NRG1: variants seen among roughly 807,000 people sequenced by gnomAD.
The protein encoded by NRG1 is neuregulin 1.
NRG1 carries 18 observed loss-of-function variants against 63.8 expected under a neutral mutation model. The ratio of observed to expected loss-of-function variants is 0.28; its 90% CI spans 0.19 to 0.42. The LOEUF (loss-of-function observed/expected upper bound fraction) is 0.42, where lower values mean the gene tolerates loss of function less well. NRG1 is among the 10% of genes least tolerant of loss of function. NRG1 has a pLI of 1.00. For synonymous variants in NRG1, 302 were observed against 301.3 expected, an observed-to-expected ratio of 1.00 and a Z score of -0.02; for missense variants, 762 against 814.7, an observed-to-expected ratio of 0.94 and a Z score of 0.79.
intron 1 of NRG1, among the ~76,000 whole-genome samples, chr8:32,238,291 C>T (rs1847772133): frequency 6.6e-6 from 1 of 151,954 alleles, no homozygotes; most frequent in Admixed American, 6.6e-5. Flanking sequence ...ATGGTGAAAC[C>T]CTGTCTCTAC....
chr8:31,796,437 T>C (rs1172584013), intron 1 of NRG1, among the ~76,000 whole-genome samples: 2 of 120,744 alleles, frequency 1.7e-5, no homozygotes, highest in Non-Finnish European at 3.4e-5. Context: ...TTTTTTTTTT[T>C]TTTTTTTTTT....
intron 1 of NRG1, among the ~76,000 whole-genome samples, chr8:32,574,017 G>A (rs1839150636): frequency 6.6e-6 from 1 of 152,164 alleles, no homozygotes; most frequent in Non-Finnish European, 1.5e-5. Flanking sequence ...ATTCCATGGT[G>A]TGTATGTGCC....
chr8:32,009,126 A>G (rs2129876920), intron 1 of NRG1, among the ~76,000 whole-genome samples: 1 of 152,202 alleles, frequency 6.6e-6, no homozygotes, highest in South Asian at 2.1e-4. Context: ...TGATAAATGC[A>G]ATCTACCTGT....
At position 32,759,453 on chromosome 8, in the gene NRG1, A is replaced by C; in HGVS notation, c.1052+17A>C. The C allele has an allele frequency of 1.2e-6, 2 of 1,608,860 alleles. No homozygotes were observed. The highest frequency in any genetic ancestry group is 1.7e-6 in the Non-Finnish European group (2 of 1,177,614). On this transcript the variant is annotated intron_variant, in intron 10 of 11. Transcript: ENST00000356819. The stretch of plus-strand genomic sequence containing the variant: ...TAGCCACAGGTATGAGAATTTAAAA[A>C]TTCCACGGCTTTTCTCTCAGAATGA...
At chr8:32,228,240 G>A (rs1846538415) in intron 1 of NRG1, among the ~76,000 whole-genome samples, 1 of 152,146 alleles carries the variant, frequency 6.6e-6, no homozygotes, top group African/African-American at 2.4e-5. Context: ...ACTTATCAGT[G>A]TAAATGGATA....
intron 1 of NRG1, among the ~76,000 whole-genome samples, chr8:31,965,299 G>A (rs892578027): frequency 2.6e-5 from 4 of 151,448 alleles, no homozygotes; most frequent in African/African-American, 7.3e-5. Flanking sequence ...CTCAGCTCAC[G>A]GCAATGTCTG....
intron 8 of NRG1, 122 bp from the exon 9 acceptor site, chr8:32,756,281 C>G (rs1487234298): frequency 1.8e-6 from 2 of 1,091,056 alleles, no homozygotes; most frequent in Non-Finnish European, 2.6e-6. Context: ...ACTCCCTTCC[C>G]TCTTCCTCAT....
intron 1 of NRG1, among the ~76,000 whole-genome samples, chr8:32,581,772 C>T (rs1320722038): frequency 2.6e-5 from 4 of 152,120 alleles, no homozygotes; most frequent in Non-Finnish European, 5.9e-5. Context: ...AAATATAGGA[C>T]AGAGAGTTCT....
chr8:32,455,058 G>A (rs1821436176), intron 1 of NRG1, among the ~76,000 whole-genome samples: 1 of 152,110 alleles, frequency 6.6e-6, no homozygotes. Context: ...TGTGTAGTAA[G>A]CTGTACCATC....
chr8:32,656,299 G>A (rs1035468517), intron 5 of NRG1, among the ~76,000 whole-genome samples: 1 of 152,016 alleles, frequency 6.6e-6, no homozygotes, highest in Admixed American at 6.6e-5. Context: ...CTAGCCCTAT[G>A]CCTAACTGCT....
At chr8:32,293,001 G>A (rs538675910) in intron 1 of NRG1, among the ~76,000 whole-genome samples, 44 of 152,292 alleles carry the variant, frequency 2.9e-4, no homozygotes, top group Non-Finnish European at 5.4e-4. Flanking sequence ...CTACTCAGGA[G>A]GCTGAGGCAG....
chr8:32,514,352 A>C (rs1394940292), intron 1 of NRG1, among the ~76,000 whole-genome samples: 2 of 152,040 alleles, frequency 1.3e-5, no homozygotes, highest in Non-Finnish European at 2.9e-5. Flanking sequence ...GTGCTTTACC[A>C]TTTTCAAAGC....
chr8:32,383,838 G>T (rs1810659453), intron 1 of NRG1, among the ~76,000 whole-genome samples: 1 of 152,240 alleles, frequency 6.6e-6, no homozygotes, highest in South Asian at 2.1e-4. Flanking sequence ...GATGACCTGG[G>T]TATGTAATGA....
chr8:32,069,471 T>C (rs1176163943), intron 1 of NRG1, among the ~76,000 whole-genome samples: 2 of 152,228 alleles, frequency 1.3e-5, no homozygotes, highest in East Asian at 3.9e-4. Context: ...TGAAAAGTCG[T>C]GAATTAAATA....
chr8:32,510,848 A>T (rs1352799622), intron 1 of NRG1, among the ~76,000 whole-genome samples: 1 of 152,042 alleles, frequency 6.6e-6, no homozygotes, highest in Non-Finnish European at 1.5e-5. Flanking sequence ...CAAAAAAGTA[A>T]AAAACAGGTC....
At chr8:31,815,712 A>G (rs1432396893) in intron 1 of NRG1, among the ~76,000 whole-genome samples, 1 of 152,204 alleles carries the variant, frequency 6.6e-6, no homozygotes, top group Non-Finnish European at 1.5e-5. Context: ...CCCACCAACA[A>G]TATACAAATG....
intron 1 of NRG1, among the ~76,000 whole-genome samples, chr8:31,839,088 G>A (rs926098675): frequency 2.0e-5 from 3 of 152,238 alleles, no homozygotes; most frequent in South Asian, 4.1e-4. Flanking sequence ...ATCAAATACT[G>A]TTTAAACATC....
intron 1 of NRG1, among the ~76,000 whole-genome samples, chr8:32,555,264 A>C (rs142541563): frequency 6.6e-6 from 1 of 152,232 alleles, no homozygotes; most frequent in Non-Finnish European, 1.5e-5. Flanking sequence ...AGTGCTATTT[A>C]AGAGTTTCAC....
At chr8:31,869,201 C>G (rs1829266632) in intron 1 of NRG1, among the ~76,000 whole-genome samples, 1 of 152,194 alleles carries the variant, frequency 6.6e-6, no homozygotes, top group Non-Finnish European at 1.5e-5. Flanking sequence ...ATTTGGTACT[C>G]TAATCTCTTC....
Sources: allele counts gnomAD v4.1 joint callset (sites outside exome capture counted in the v4.1 genomes callset), GRCh38; gene constraint gnomAD v4.1.1; transcripts MANE v1.5; gene names NCBI Gene and HGNC (gene_info 2026-07-23, HGNC 2026-07-21).